CDH2: variants seen among roughly 807,000 people sequenced by gnomAD.
CDH2 encodes the protein cadherin 2, also known as cadherin-2.
Under a neutral mutation model 92.0 loss-of-function variants are expected in CDH2, and 17 were observed. The observed-to-expected ratio is 0.18, with a 90% CI of 0.13 to 0.28. The LOEUF is 0.28. Among genes scored for constraint, CDH2 ranks in the 10% least tolerant of loss-of-function variants. CDH2 has a pLI of 1.00. For synonymous variants in CDH2, 419 were observed against 415.9 expected (o/e 1.01, Z -0.09); for missense variants, 862 against 1,133.1 (o/e 0.76, Z 3.44).
chr18:28,132,332 T>C (rs1330479007), intron 2 of CDH2, among the ~76,000 whole-genome samples: 1 of 152,232 alleles, frequency 6.6e-6, no homozygotes, highest in Non-Finnish European at 1.5e-5. Context: ...TTCTGGATTA[T>C]ATTAATTCAG....
chr18:28,102,968 T>C (rs2015251353), intron 2 of CDH2, among the ~76,000 whole-genome samples: 1 of 151,846 alleles, frequency 6.6e-6, no homozygotes, highest in African/African-American at 2.4e-5. Context: ...TTCTTACGTA[T>C]ATCTGTGCTG....
intron 10 of CDH2, among the ~76,000 whole-genome samples, chr18:27,989,890 T>A (rs2012354673): frequency 6.6e-6 from 1 of 152,134 alleles, no homozygotes; most frequent in African/African-American, 2.4e-5. Flanking sequence ...AAATAGTAAA[T>A]CCATTTTAAT....
chr18:28,063,027 T>C (rs1381495876), intron 2 of CDH2, among the ~76,000 whole-genome samples: 1 of 152,196 alleles, frequency 6.6e-6, no homozygotes, highest in African/African-American at 2.4e-5. Flanking sequence ...AAAACTATGT[T>C]ATAATAGCAT....
At chr18:28,130,937 C>A (rs189969618) in intron 2 of CDH2, among the ~76,000 whole-genome samples, 1 of 152,236 alleles carries the variant, frequency 6.6e-6, no homozygotes, top group Admixed American at 6.5e-5. Context: ...TAGAATCAGA[C>A]ACCACATGCA....
chr18:28,104,030 G>C (rs1166847419), intron 2 of CDH2, among the ~76,000 whole-genome samples: 2 of 152,170 alleles, frequency 1.3e-5, no homozygotes, highest in African/African-American at 4.8e-5. Context: ...GCTGTGGCCA[G>C]TGGCATTGAG....
chr18:28,028,530 G>C (rs907729545), intron 2 of CDH2, among the ~76,000 whole-genome samples: 3 of 152,084 alleles, frequency 2.0e-5, no homozygotes, highest in African/African-American at 7.2e-5. Context: ...AATTTAAGAA[G>C]TGCTTATTCT....
chr18:27,988,711 A>C, intron 10 of CDH2, 45 bp from the exon 11 acceptor site: 1 of 1,438,636 alleles, frequency 7.0e-7, no homozygotes, highest in Non-Finnish European at 9.7e-7. Flanking sequence ...TGAAACTTTA[A>C]AAAAACATAT....
At chr18:28,160,059 C>G (rs28365325) in intron 1 of CDH2, among the ~76,000 whole-genome samples, 2 of 152,012 alleles carry the variant, frequency 1.3e-5, no homozygotes, top group East Asian at 3.9e-4. Flanking sequence ...GCTTAAATTT[C>G]TAAACCACAG....
intron 2 of CDH2, among the ~76,000 whole-genome samples, chr18:28,122,176 T>C (rs2015599584): frequency 6.6e-6 from 1 of 152,134 alleles, no homozygotes; most frequent in Non-Finnish European, 1.5e-5. Context: ...TATACCTATG[T>C]TTTAAGGCTT....
intron 1 of CDH2, among the ~76,000 whole-genome samples, chr18:28,158,870 C>T (rs964730082): frequency 6.6e-6 from 1 of 152,194 alleles, no homozygotes; most frequent in Non-Finnish European, 1.5e-5. Flanking sequence ...AGGCACAATG[C>T]TACTCTTCCC....
chr18:28,159,036 C>T (rs2144349766), intron 1 of CDH2: 1 of 152,216 alleles, frequency 6.6e-6, no homozygotes, highest in South Asian at 2.1e-4. Context: ...ATATTATCTA[C>T]AATAGAAAAG....
rs1480472356 is a variant in CDH2 at position 27,953,988 on chromosome 18, G to GA, written c.2515-1630dup. ...TGCTTGACTCACGTCAAAAATCAGA[G>GA]AAAAAAGTACACATGACCAGTTTTC... is the stretch of plus-strand genomic sequence containing the variant. On this transcript the variant is annotated intron_variant, in intron 15 of 15. Transcript: ENST00000269141. 2.6e-5 allele frequency among the ~76,000 whole-genome samples: 4 copies of GA among 152,146 alleles called. No individual in the cohort carries two copies. The East Asian group carries it at 5.8e-4, about 22-fold the overall frequency.
At chr18:28,031,404 ACT>A (rs1201970975) in intron 2 of CDH2, among the ~76,000 whole-genome samples, 1 of 151,938 alleles carries the variant, frequency 6.6e-6, no homozygotes, top group African/African-American at 2.4e-5. Context: ...TAGATAGAAG[ACT>A]CTAACTGATC....
chr18:28,150,875 T>A (rs1399714798), intron 1 of CDH2, among the ~76,000 whole-genome samples: 2 of 152,202 alleles, frequency 1.3e-5, no homozygotes, highest in African/African-American at 2.4e-5. Context: ...ACAATCTCCA[T>A]AAAATTGTTA....
chr18:27,977,381 T>G (rs2011868866), intron 14 of CDH2, among the ~76,000 whole-genome samples: 1 of 152,084 alleles, frequency 6.6e-6, no homozygotes, highest in African/African-American at 2.4e-5. Context: ...TTTTTCCCAT[T>G]TTACCCCCTT....
intron 2 of CDH2, among the ~76,000 whole-genome samples, chr18:28,130,755 C>T (rs2015755060): frequency 6.6e-6 from 1 of 152,190 alleles, no homozygotes; most frequent in Non-Finnish European, 1.5e-5. Flanking sequence ...GGCTGTAATG[C>T]TGCCAAGACT....
chr18:28,139,867 G>A (rs1482070123), intron 2 of CDH2, among the ~76,000 whole-genome samples: 2 of 151,912 alleles, frequency 1.3e-5, no homozygotes, highest in African/African-American at 4.8e-5. Context: ...TTTGTATACT[G>A]AGTACTCCCA....
At chr18:28,043,167 A>C (rs935568504) in intron 2 of CDH2, among the ~76,000 whole-genome samples, 3 of 152,268 alleles carry the variant, frequency 2.0e-5, no homozygotes, top group African/African-American at 7.2e-5. Context: ...ATGGAGCTGG[A>C]GGCCATTATT....
chr18:28,107,284 T>C (rs2015337540), intron 2 of CDH2, among the ~76,000 whole-genome samples: 2 of 151,970 alleles, frequency 1.3e-5, no homozygotes, highest in African/African-American at 4.8e-5. Flanking sequence ...TGTAGTACTG[T>C]AGTGAAACTA....
Sources: gnomAD v4.1 joint callset for allele counts (sites outside exome capture counted in the v4.1 genomes callset) on GRCh38, gnomAD v4.1.1 for gene constraint, MANE v1.5 for transcripts, NCBI Gene and HGNC (gene_info 2026-07-23, HGNC 2026-07-21) for gene names.